Variants in MOB3B observed in about 807,000 individuals in gnomAD.
The protein encoded by MOB3B is MOB kinase activator 3B, also known as MOB kinase activator-like 2B.
MOB3B carries 7 observed loss-of-function variants against 18.7 expected under a neutral mutation model. That is an observed-to-expected ratio of 0.37 (90% CI 0.21 to 0.70). The LOEUF is 0.70. Among genes scored for constraint, MOB3B ranks in the 30% least tolerant of loss-of-function variants. The probability of loss-of-function intolerance (pLI) is 0.52; values close to 1 mark genes in which losing one functional copy is unlikely to be tolerated. For missense variants in MOB3B, 253 were observed against 281.3 expected (o/e 0.90, Z 0.72); for synonymous variants, 111 against 99.9 (o/e 1.11, Z -0.66).
rs78921787 is a variant in MOB3B at position 27,401,792 on chromosome 9, T to C, written c.419-42556A>G. ...TACAGGTAAGCAAAGGTTAGAAACT[T>C]ATGGCAAACATACTGATCTGTCTCC... On this transcript the variant is annotated intron_variant, in intron 2 of 3. Coordinates refer to ENST00000262244, the MANE Select transcript of MOB3B (RefSeq NM_024761.5). 2.2e-4 allele frequency among the ~76,000 whole-genome samples: 33 copies of C among 152,316 alleles called. No homozygotes were observed. The East Asian group carries it at 5.6e-3, about 26-fold the overall frequency.
intron 2 of MOB3B, among the ~76,000 whole-genome samples, chr9:27,385,935 G>A (rs528614882): frequency 1.3e-5 from 2 of 152,344 alleles, no homozygotes; most frequent in South Asian, 4.1e-4. Flanking sequence ...TGTGAAGAGA[G>A]GGAATGAAGA....
intron 1 of MOB3B, among the ~76,000 whole-genome samples, chr9:27,484,353 AGGT>A (rs1819703941): frequency 6.6e-6 from 1 of 152,198 alleles, no homozygotes; most frequent in Admixed American, 6.5e-5. Flanking sequence ...GGGGTTGAGA[AGGT>A]GGGCTGTTTG....
chr9:27,374,824 T>C (rs888073610), intron 2 of MOB3B, among the ~76,000 whole-genome samples: 4 of 152,224 alleles, frequency 2.6e-5, no homozygotes, highest in African/African-American at 9.6e-5. Flanking sequence ...TAATGTCTGC[T>C]CCCCATACAT....
At chr9:27,456,909 T>C (rs1207316122) in intron 1 of MOB3B, among the ~76,000 whole-genome samples, 1 of 152,242 alleles carries the variant, frequency 6.6e-6, no homozygotes, top group African/African-American at 2.4e-5. Flanking sequence ...CCACACTGGA[T>C]GGCACAGCTC....
intron 1 of MOB3B, among the ~76,000 whole-genome samples, chr9:27,473,895 AC>A (rs1055823847): frequency 2.0e-5 from 3 of 152,140 alleles, no homozygotes; most frequent in African/African-American, 7.2e-5. Flanking sequence ...AAAAGGTGGG[AC>A]CTTTGGAAGA....
intron 1 of MOB3B, among the ~76,000 whole-genome samples, chr9:27,498,952 G>T (rs891462034): frequency 6.6e-6 from 1 of 152,192 alleles, no homozygotes; most frequent in Admixed American, 6.5e-5. Flanking sequence ...GATTCAGGAA[G>T]AAGAGGATCT....
chr9:27,432,264 T>TC (rs1243184705), intron 2 of MOB3B, among the ~76,000 whole-genome samples: 3 of 152,102 alleles, frequency 2.0e-5, no homozygotes, highest in Non-Finnish European at 4.4e-5. Flanking sequence ...AGATTTCTTT[T>TC]TTTTTTCTCT....
intron 2 of MOB3B, among the ~76,000 whole-genome samples, chr9:27,428,746 G>C (rs1822374625): frequency 6.6e-6 from 1 of 152,228 alleles, no homozygotes; most frequent in Admixed American, 6.5e-5. Flanking sequence ...AAAGATGCCT[G>C]TGCTCTAAGA....
chr9:27,400,042 C>G (rs181252745), intron 2 of MOB3B, among the ~76,000 whole-genome samples: 50 of 152,294 alleles, frequency 3.3e-4, no homozygotes, highest in Non-Finnish European at 6.6e-4. Context: ...CTGGAAATTA[C>G]AGCTGCCTCC....
intron 3 of MOB3B, 39 bp from the exon 4 acceptor site, chr9:27,330,655 T>C (rs1820773281): frequency 1.2e-6 from 2 of 1,613,454 alleles, no homozygotes; most frequent in Non-Finnish European, 1.7e-6. Flanking sequence ...GGAGAAACTA[T>C]AAGCAGAGCA....
intron 2 of MOB3B, chr9:27,420,989 C>T (rs1587200613): frequency 6.6e-6 from 1 of 152,214 alleles, no homozygotes. Flanking sequence ...TGACCCAGAG[C>T]TTGACAACAG....
At chr9:27,434,418 T>C (rs902560057) in intron 2 of MOB3B, among the ~76,000 whole-genome samples, 1 of 152,026 alleles carries the variant, frequency 6.6e-6, no homozygotes, top group African/African-American at 2.4e-5. Context: ...AAATGTGGTG[T>C]GCCTCAAAGC....
rs559806304 is a variant in MOB3B at position 27,416,544 on chromosome 9, A to ATTTTTTTTTT, written c.418+38579_418+38588dup. 1.3e-3 allele frequency among the ~76,000 whole-genome samples: 152 copies of ATTTTTTTTTT among 121,366 alleles called. 6 individuals carry two copies. Among genetic ancestry groups the ATTTTTTTTTT allele is most frequent in the African/African-American group, 4.2e-3 (143 of 33,894 alleles). 79.6% of individuals were successfully genotyped at this position (121,366 alleles called of 152,430 possible). On this transcript the variant is annotated intron_variant, in intron 2 of 3. Transcript: ENST00000262244. ...GAACCCCTGGAGTAATTTCTTTTTA[A>ATTTTTTTTTT]TTTTTTTTTTTTTTTTTTTTTTTTT...
intron 1 of MOB3B, among the ~76,000 whole-genome samples, chr9:27,496,444 T>C (rs1006071336): frequency 1.7e-4 from 26 of 152,244 alleles, no homozygotes; most frequent in African/African-American, 2.4e-4. Context: ...TGCCTTCCTA[T>C]GGCTCTTTTG....
rs1820735978 is a variant in MOB3B, at chr9:27,328,006, A to C, written c.*2581T>G. 6.6e-6 allele frequency: 1 copy of C among 151,796 alleles called. No homozygotes were observed. 9.4% of individuals were successfully genotyped at this position (151,796 alleles called of 1,614,324 possible). Reference sequence around the variant, plus strand: ...ACTCAGGAGGCTAAGGTTGAAGCTCACTTGAGGCAAGGGGTTCAAGGCCAG... The same window carrying C: ...ACTCAGGAGGCTAAGGTTGAAGCTCCCTTGAGGCAAGGGGTTCAAGGCCAG... On this transcript the variant is annotated 3_prime_UTR_variant, in exon 4 of 4. Transcript: ENST00000262244.
intron 1 of MOB3B, among the ~76,000 whole-genome samples, chr9:27,488,904 A>C (rs1467142738): frequency 6.6e-6 from 1 of 152,246 alleles, no homozygotes; most frequent in East Asian, 1.9e-4. Context: ...ATTGACTGGC[A>C]TAGGGCTATA....
intron 2 of MOB3B, among the ~76,000 whole-genome samples, chr9:27,365,478 T>A (rs1821331297): frequency 6.6e-6 from 1 of 151,988 alleles, no homozygotes; most frequent in African/African-American, 2.4e-5. Context: ...TTGTATATCT[T>A]AAGGGTTTGG....
At chr9:27,436,462 G>A (rs183249298) in intron 2 of MOB3B, among the ~76,000 whole-genome samples, 19 of 152,272 alleles carry the variant, frequency 1.2e-4, no homozygotes, top group Middle Eastern at 3.4e-3. Flanking sequence ...TTCCCACTGT[G>A]TTCCAGTGTT....
intron 3 of MOB3B, among the ~76,000 whole-genome samples, chr9:27,354,671 A>G (rs1821158949): frequency 6.6e-6 from 1 of 152,202 alleles, no homozygotes; most frequent in African/African-American, 2.4e-5. Flanking sequence ...ACTCTCCCCA[A>G]TTCAAAAACA....
Sources: allele counts gnomAD v4.1 joint callset (sites outside exome capture counted in the v4.1 genomes callset), GRCh38; gene constraint gnomAD v4.1.1; transcripts MANE v1.5; gene names NCBI Gene and HGNC (gene_info 2026-07-23, HGNC 2026-07-21).